The following HYKK variants were observed in gnomAD, a reference collection of about 807,000 sequenced individuals.
The protein encoded by HYKK is hydroxylysine kinase, also known as 5-hydroxy-L-lysine kinase.
HYKK carries 19 observed loss-of-function variants against 29.7 expected under a neutral mutation model. The ratio of observed to expected loss-of-function variants is 0.64; its 90% CI spans 0.45 to 0.94. The LOEUF (loss-of-function observed/expected upper bound fraction) is 0.94. Ranked by LOEUF, HYKK falls within the 40% of genes least tolerant of loss-of-function variation. HYKK has a pLI of 0.00. For missense variants in HYKK, 390 were observed against 443.4 expected, an observed-to-expected ratio of 0.88 and a Z score of 1.08; for synonymous variants, 152 against 158.1, an observed-to-expected ratio of 0.96 and a Z score of 0.29.
At chr15:78,510,631 T>C (rs1031487752) in intron 1 of HYKK, among the ~76,000 whole-genome samples, 2 of 152,212 alleles carry the variant, frequency 1.3e-5, no homozygotes, top group African/African-American at 4.8e-5. Flanking sequence ...GGGTTTTTGC[T>C]ATGATACAGC....
chr15:78,518,924 A>G (rs968333523), intron 3 of HYKK, among the ~76,000 whole-genome samples: 1 of 152,034 alleles, frequency 6.6e-6, no homozygotes, highest in Non-Finnish European at 1.5e-5. Context: ...CTAAAAAAAA[A>G]AAAAAAAAAA....
chr15:78,510,341 G>T (rs917179939), intron 1 of HYKK, among the ~76,000 whole-genome samples: 1 of 151,314 alleles, frequency 6.6e-6, no homozygotes, highest in Non-Finnish European at 1.5e-5. Flanking sequence ...CGGCCACCAT[G>T]CCCGGCTAAT....
At chr15:78,511,840 C>G (rs1468873607) in intron 1 of HYKK, among the ~76,000 whole-genome samples, 1 of 152,130 alleles carries the variant, frequency 6.6e-6, no homozygotes, top group Non-Finnish European at 1.5e-5. Flanking sequence ...TGAGACCAAC[C>G]TGGGCAACAA....
Position 78,533,908 on chromosome 15 carries a change from T to C in HYKK, c.*238T>C. On this transcript the variant is annotated 3_prime_UTR_variant, in exon 5 of 5. Coordinates refer to ENST00000388988, the MANE Select transcript of HYKK (RefSeq NM_001013619.4). ...TTTTCTGTGAGTCTTACTTGCCATA[T>C]CTATAAAACACATATAATGATACCA... 3.8e-6 allele frequency: 2 copies of C among 520,808 alleles called. No homozygotes were observed. Among genetic ancestry groups the C allele is most frequent in the Non-Finnish European group, 6.8e-6 (2 of 293,868 alleles). 32.3% of individuals were successfully genotyped at this position (520,808 alleles called of 1,614,324 possible). A position where few individuals can be genotyped will look rare whatever the true frequency, so the allele number is the denominator to read the frequency against.
intron 3 of HYKK, among the ~76,000 whole-genome samples, chr15:78,520,596 T>A (rs1262216059): frequency 1.3e-5 from 2 of 152,208 alleles, no homozygotes; most frequent in Admixed American, 6.5e-5. Flanking sequence ...AGAAGAATTT[T>A]TCTTAGTACA....
intron 1 of HYKK, among the ~76,000 whole-genome samples, chr15:78,508,221 A>C (rs2052034132): frequency 6.6e-6 from 1 of 152,098 alleles, no homozygotes; most frequent in African/African-American, 2.4e-5. Flanking sequence ...TTGGGGTTGA[A>C]CTGCCCCGTG....
At chr15:78,512,009 T>C (rs2052078236) in intron 1 of HYKK, among the ~76,000 whole-genome samples, 3 of 152,240 alleles carry the variant, frequency 2.0e-5, no homozygotes, top group African/African-American at 7.2e-5. Context: ...TAACTTTATT[T>C]TTTGTAATTG....
At chr15:78,519,737 G>A (rs565270502) in intron 3 of HYKK, among the ~76,000 whole-genome samples, 3 of 152,148 alleles carry the variant, frequency 2.0e-5, no homozygotes, top group South Asian at 2.1e-4. Context: ...CTCCAGCCTG[G>A]GTGAAAGAGT....
At chr15:78,522,581 A>C (rs552842144) in intron 3 of HYKK, among the ~76,000 whole-genome samples, 35 of 148,892 alleles carry the variant, frequency 2.4e-4, no homozygotes, top group Admixed American at 1.1e-3. Flanking sequence ...AAAAAAAAAA[A>C]GGGAAGACTC....
chr15:78,518,735 G>T, intron 3 of HYKK: 1 of 352,122 alleles, frequency 2.8e-6, no homozygotes, highest in South Asian at 1.9e-5. Flanking sequence ...TGGCCAACAT[G>T]GTGAAACCCC....
chr15:78,523,238 A>G (rs2052216222), intron 3 of HYKK, among the ~76,000 whole-genome samples: 1 of 152,244 alleles, frequency 6.6e-6, no homozygotes, highest in African/African-American at 2.4e-5. Flanking sequence ...AGGAGGCCTC[A>G]GGAAGCTTCT....
At chr15:78,523,008 G>A (rs1396029507) in intron 3 of HYKK, among the ~76,000 whole-genome samples, 1 of 152,128 alleles carries the variant, frequency 6.6e-6, no homozygotes, top group African/African-American at 2.4e-5. Context: ...CCAGTGGCAT[G>A]GATACTATTA....
At chr15:78,528,384 G>T in intron 4 of HYKK, 1 of 981,538 alleles carries the variant, frequency 1.0e-6, no homozygotes, top group Non-Finnish European at 1.2e-6. Flanking sequence ...AGTCCCTGAT[G>T]CCAAAAAGGT....
Position 78,535,092 on chromosome 15 carries a change from G to A in HYKK, c.*1422G>A, listed in dbSNP as rs1268485906. 1 of 151,980 alleles carries A rather than the reference G, an allele frequency of 6.6e-6. No homozygotes were observed. Among genetic ancestry groups the A allele is most frequent in the African/African-American group, 2.4e-5 (1 of 41,364 alleles). The allele number at this position is 151,980 out of a possible 1,614,324, so 9.4% of individuals were successfully genotyped here. On this transcript the variant is annotated 3_prime_UTR_variant, in exon 5 of 5. Transcript: ENST00000388988. ...TATTCATTGTCTACAGATGACTCAA[G>A]TCTAGAACCCTGGCCATTCAAATAC...
At chr15:78,514,845 A>T in intron 2 of HYKK, 123 bp from the exon 3 acceptor site, 1 of 365,846 alleles carries the variant, frequency 2.7e-6, no homozygotes. Flanking sequence ...TTTCAGTAAT[A>T]CTTGCAGAGG....
chr15:78,514,566 A>G (rs570248317), intron 2 of HYKK, among the ~76,000 whole-genome samples: 1 of 152,272 alleles, frequency 6.6e-6, no homozygotes, highest in South Asian at 2.1e-4. Context: ...TCTGGAAGTC[A>G]TTTATTTGTA....
intron 3 of HYKK, among the ~76,000 whole-genome samples, chr15:78,522,687 G>C (rs547058125): frequency 4.6e-5 from 7 of 152,138 alleles, no homozygotes; most frequent in African/African-American, 1.4e-4. Flanking sequence ...GACCAGCCTG[G>C]CCAACATGAT....
At chr15:78,519,722 C>G (rs1167700944) in intron 3 of HYKK, among the ~76,000 whole-genome samples, 1 of 152,166 alleles carries the variant, frequency 6.6e-6, no homozygotes, top group African/African-American at 2.4e-5. Context: ...GACCGCACCA[C>G]TGCACTCCAG....
intron 4 of HYKK, among the ~76,000 whole-genome samples, chr15:78,530,346 G>A (rs767388406): frequency 5.3e-5 from 8 of 152,054 alleles, no homozygotes; most frequent in Non-Finnish European, 7.4e-5. Context: ...GGCCACAGGC[G>A]TGTGCCACCA....
Sources: allele counts gnomAD v4.1 joint callset (sites outside exome capture counted in the v4.1 genomes callset), GRCh38; gene constraint gnomAD v4.1.1; transcripts MANE v1.5; gene names NCBI Gene and HGNC (gene_info 2026-07-23, HGNC 2026-07-21).